The following NCAM2 variants were observed in gnomAD, a reference collection of about 807,000 sequenced individuals.
The protein encoded by NCAM2 is N-CAM-2.
NCAM2 carries 30 observed loss-of-function variants against 98.1 expected under a neutral mutation model. That is an observed-to-expected ratio of 0.31 (90% confidence interval 0.23 to 0.41). The LOEUF (loss-of-function observed/expected upper bound fraction) is 0.41, where lower values mean the gene tolerates loss of function less well. Among genes scored for constraint, NCAM2 ranks in the 10% least tolerant of loss-of-function variants. NCAM2 has a pLI of 1.00. For missense variants in NCAM2, 867 were observed against 1,005.8 expected (o/e 0.86, Z 1.87); for synonymous variants, 368 against 342.4 (o/e 1.07, Z -0.83).
At chr21:21,501,379 A>C (rs1460081) in intron 15 of NCAM2, among the ~76,000 whole-genome samples, 5,614 of 152,060 alleles carry the variant, frequency 0.037, 343 homozygotes, top group African/African-American at 0.13. Context: ...GCCCTTGTTA[A>C]TGTAAATATC....
intron 9 of NCAM2, among the ~76,000 whole-genome samples, chr21:21,399,377 G>T (rs1032821084): frequency 1.4e-4 from 21 of 152,150 alleles, no homozygotes; most frequent in African/African-American, 5.1e-4. Context: ...GTTATTTGTA[G>T]TTCTTAAAAT....
chr21:21,026,978 T>C (rs1017512870), intron 1 of NCAM2, among the ~76,000 whole-genome samples: 28 of 149,738 alleles, frequency 1.9e-4, no homozygotes, highest in Admixed American at 6.0e-4. Flanking sequence ...TGCCTCAGCC[T>C]CCTGAGTAGC....
At chr21:21,453,709 G>C (rs1430030456) in intron 12 of NCAM2, among the ~76,000 whole-genome samples, 2 of 151,974 alleles carry the variant, frequency 1.3e-5, no homozygotes, top group Non-Finnish European at 2.9e-5. Context: ...AATCCTTAGT[G>C]CATTGTATCA....
rs532034889 is a variant in NCAM2 at position 21,538,023 on chromosome 21, A to G, written c.*66A>G. 5 of 863,776 alleles carry G rather than the reference A, an allele frequency of 5.8e-6. No individual in the cohort carries two copies. In the South Asian group the frequency reaches 6.7e-5, roughly 12 times the overall value. 53.5% of individuals were successfully genotyped at this position (863,776 alleles called of 1,614,324 possible). Reference sequence around the variant, plus strand: ...TTTGGATTGCGTGACCCTATGACCAAAACTATTCCATTGACCTTAATTTCT... The same window carrying G: ...TTTGGATTGCGTGACCCTATGACCAGAACTATTCCATTGACCTTAATTTCT... On this transcript the variant is annotated 3_prime_UTR_variant, in exon 18 of 18. Transcript: ENST00000400546.
At chr21:21,478,125 T>G (rs963939141) in intron 15 of NCAM2, among the ~76,000 whole-genome samples, 1 of 152,158 alleles carries the variant, frequency 6.6e-6, no homozygotes, top group African/African-American at 2.4e-5. Flanking sequence ...GTTAAAACTT[T>G]TATTCAGATA....
chr21:21,214,746 T>TATATATATATATATATATATAA (rs11268201), intron 1 of NCAM2, among the ~76,000 whole-genome samples: 1 of 100,608 alleles, frequency 9.9e-6, no homozygotes, highest in Non-Finnish European at 2.1e-5. Flanking sequence ...TATATATATA[T>TATATATATATATATATATATAA]ACACTATATA....
At chr21:21,102,415 G>A (rs8134207) in intron 1 of NCAM2, among the ~76,000 whole-genome samples, 1,936 of 151,922 alleles carry the variant, frequency 0.013, 33 homozygotes, top group African/African-American at 0.043. Context: ...GATTTCTCAG[G>A]TTATATTTAA....
chr21:21,126,891 GTAGA>G (rs1300238037), intron 1 of NCAM2, among the ~76,000 whole-genome samples: 1 of 151,904 alleles, frequency 6.6e-6, no homozygotes, highest in Non-Finnish European at 1.5e-5. Context: ...TTGATGCTAA[GTAGA>G]TAAACTACAC....
chr21:21,103,913 A>G (rs78630803), intron 1 of NCAM2, among the ~76,000 whole-genome samples: 5,399 of 152,186 alleles, frequency 0.035, 124 homozygotes, highest in Non-Finnish European at 0.042. Flanking sequence ...TGTTAGTACC[A>G]TTTATCTGAC....
At chr21:21,328,835 G>A (rs1601994343) in intron 6 of NCAM2, among the ~76,000 whole-genome samples, 1 of 152,012 alleles carries the variant, frequency 6.6e-6, no homozygotes, top group Non-Finnish European at 1.5e-5. Context: ...GTACTATACA[G>A]TAATGTCCCA....
chr21:21,299,081 A>C (rs1020097418), intron 5 of NCAM2, among the ~76,000 whole-genome samples: 1 of 151,728 alleles, frequency 6.6e-6, no homozygotes, highest in African/African-American at 2.4e-5. Flanking sequence ...TTATCATTTC[A>C]TAGAATCAAT....
At position 21,305,412 on chromosome 21, in the gene NCAM2, C is replaced by T. The variant is rs184328083; in HGVS notation, c.619+13171C>T. On this transcript the variant is annotated intron_variant, in intron 5 of 17. Coordinates refer to ENST00000400546, the MANE Select transcript of NCAM2 (RefSeq NM_004540.5). ...TCCAATCTGTATGTTTTTCCACTTT[C>T]GCTTATTATACTGGGTAGACAGACT... 1.2e-4 allele frequency among the ~76,000 whole-genome samples: 19 copies of T among 152,184 alleles called. No homozygotes were observed. The East Asian group carries it at 2.7e-3, about 22-fold the overall frequency.
At chr21:21,345,251 G>A (rs1466516312) in intron 8 of NCAM2, among the ~76,000 whole-genome samples, 1 of 151,800 alleles carries the variant, frequency 6.6e-6, no homozygotes, top group Non-Finnish European at 1.5e-5. Flanking sequence ...ACACCATCCG[G>A]GAAAGCATGA....
chr21:21,145,834 A>C (rs2067261077), intron 1 of NCAM2, among the ~76,000 whole-genome samples: 1 of 152,204 alleles, frequency 6.6e-6, no homozygotes. Context: ...CTTATAGGGA[A>C]GATAGTAACT....
intron 1 of NCAM2, chr21:21,147,228 C>A (rs562596989): frequency 5.5e-5 from 54 of 985,212 alleles, no homozygotes; most frequent in Admixed American, 3.1e-4. Flanking sequence ...GTTCTTAGTC[C>A]GTACCCGGCA....
At chr21:21,436,105 G>C (rs2826837) in intron 12 of NCAM2, among the ~76,000 whole-genome samples, 19,888 of 152,144 alleles carry the variant, frequency 0.13, 1,352 homozygotes, top group Admixed American at 0.16. Flanking sequence ...CATGATTTTT[G>C]CTGACAGAAA....
At chr21:21,236,491 C>T (rs977105989) in intron 1 of NCAM2, among the ~76,000 whole-genome samples, 2 of 151,656 alleles carry the variant, frequency 1.3e-5, no homozygotes, top group African/African-American at 4.8e-5. Flanking sequence ...GTGATTTGTG[C>T]AGTTAGTGGT....
intron 1 of NCAM2, among the ~76,000 whole-genome samples, chr21:21,027,474 T>A (rs2064575480): frequency 6.6e-6 from 1 of 152,350 alleles, no homozygotes. Flanking sequence ...ATTATAACCA[T>A]ACTCTCACAT....
At chr21:21,335,199 G>GT (rs891439458) in intron 6 of NCAM2, among the ~76,000 whole-genome samples, 85 of 151,558 alleles carry the variant, frequency 5.6e-4, no homozygotes, top group Admixed American at 1.1e-3. Flanking sequence ...CAAACAAAAT[G>GT]TTTTTTTTGC....
Sources: allele counts gnomAD v4.1 joint callset (sites outside exome capture counted in the v4.1 genomes callset), GRCh38; gene constraint gnomAD v4.1.1; transcripts MANE v1.5; gene names NCBI Gene and HGNC (gene_info 2026-07-23, HGNC 2026-07-21).